The following PCNT variants were observed in gnomAD, a reference collection of about 807,000 sequenced individuals.
PCNT encodes kendrin.
In PCNT, 319 loss-of-function variants were observed where a neutral mutation model predicts 380.4. The ratio of observed to expected loss-of-function variants is 0.84; its 90% CI spans 0.77 to 0.92. The LOEUF (loss-of-function observed/expected upper bound fraction) is 0.92, where lower values mean the gene tolerates loss of function less well. Among genes scored for constraint, PCNT ranks in the 40% least tolerant of loss-of-function variants. The pLI, the probability that PCNT is intolerant of heterozygous loss-of-function variation, is 0.00. For missense variants in PCNT, 4,400 were observed against 4,255.3 expected, an observed-to-expected ratio of 1.03 and a Z score of -0.95; for synonymous variants, 1,845 against 1,735.2, an observed-to-expected ratio of 1.06 and a Z score of -1.57.
At chr21:46,324,814 G>C (rs188004524) in intron 1 of PCNT, 22,742 of 913,002 alleles carry the variant, frequency 0.025, 367 homozygotes, top group Non-Finnish European at 0.028. Context: ...CGTGGCGCGG[G>C]TGGCCTGCAG....
In PCNT at chr21:46,443,855, C is replaced by G. The variant is rs764310423; in HGVS notation, c.9746C>G (p.Ser3249Cys). 2.5e-6 allele frequency: 4 copies of G among 1,611,658 alleles called. No homozygotes were observed. The highest frequency in any genetic ancestry group is 2.2e-5 in the South Asian group (2 of 90,904). The change falls in exon 45 of 47, where the codon TCC (serine) becomes TGC (cysteine). Residue 3249 changes from serine (S) to cysteine (C), a missense_variant. Ser to Cys is a moderately radical substitution (Grantham distance 112). Coordinates refer to ENST00000359568, the MANE Select transcript of PCNT (RefSeq NM_006031.6). ...CAGTCTCCACCCAGAACCAGAGAGT[C>G]CCCCCCAACCCGGGATGTACCCTCT... is the stretch of plus-strand genomic sequence containing the variant. ...QPQSPPRTRE[S>C]PPTRDVPSGH...
chr21:46,388,634 G>A lies in PCNT; in HGVS notation c.3465-108G>A. On this transcript the variant is annotated intron_variant, in intron 17 of 46. Coordinates refer to ENST00000359568, the MANE Select transcript of PCNT (RefSeq NM_006031.6). This position sits in a 1 kb window ranked among gnomAD's most constrained non-coding sequence, Gnocchi z 4.2. ...TCTTCCGGCCCCGTGGGGACAGGCA[G>A]CCGTGGGCCGAGGTGTGCAAACTGG... 1 of 1,394,542 alleles carries A rather than the reference G, an allele frequency of 7.2e-7. No homozygotes were observed. The highest frequency in any genetic ancestry group is 1.0e-6 in the Non-Finnish European group (1 of 994,176). The allele number at this position is 1,394,542 out of a possible 1,614,324, so 86.4% of individuals were successfully genotyped here.
Position 46,430,496 on chromosome 21 carries a change from T to C in PCNT, c.7914-11T>C. Reference sequence around the variant, plus strand: ...CACGTGGTCAGATTGTTCTGCGATGTCTCCACGCAGATCCATGCTGAGCAG... The same window carrying C: ...CACGTGGTCAGATTGTTCTGCGATGCCTCCACGCAGATCCATGCTGAGCAG... On this transcript the variant is annotated splice_polypyrimidine_tract_variant and intron_variant, in intron 36 of 46. Coordinates refer to ENST00000359568, the MANE Select transcript of PCNT (RefSeq NM_006031.6). 6.5e-7 allele frequency: 1 copy of C among 1,550,184 alleles called. No individual in the cohort carries two copies. Among genetic ancestry groups the C allele is most frequent in the East Asian group, 2.4e-5 (1 of 40,942 alleles).
intron 3 of PCNT, 90 bp downstream of exon 3, chr21:46,334,858 C>T: frequency 6.3e-7 from 1 of 1,580,656 alleles, no homozygotes; most frequent in Non-Finnish European, 8.7e-7. Context: ...GACCTTCCAT[C>T]TCTGCAGGGC....
intron 13 of PCNT, among the ~76,000 whole-genome samples, chr21:46,359,347 C>G (rs560993439): frequency 6.9e-6 from 1 of 145,800 alleles, no homozygotes; most frequent in South Asian, 2.2e-4. Context: ...GTGGATTTCT[C>G]TCTTGTTAAT....
At chr21:46,397,883 AG>A (rs2086259618) in intron 22 of PCNT, 130 bp from the exon 23 acceptor site, 4 of 702,024 alleles carry the variant, frequency 5.7e-6, no homozygotes, top group South Asian at 1.5e-5. Context: ...GACTGTGATG[AG>A]GGGGGTATTT....
In PCNT at chr21:46,397,504, C is replaced by T. The variant is rs760052446; in HGVS notation, c.4446+10C>T. The T allele has an allele frequency of 1.2e-6, 2 of 1,602,744 alleles. No individual in the cohort carries two copies. Among genetic ancestry groups the T allele is most frequent in the Non-Finnish European group, 8.5e-7 (1 of 1,170,092 alleles). On this transcript the variant is annotated intron_variant, in intron 22 of 46. Coordinates refer to ENST00000359568, the MANE Select transcript of PCNT (RefSeq NM_006031.6). ...GCGGCAATTCATGGATGTAAGAATTCTGAATAATACATTTTTTTGCATCAC... is the reference window on the plus strand; with the variant it reads ...GCGGCAATTCATGGATGTAAGAATTTTGAATAATACATTTTTTTGCATCAC...
At position 46,411,616 on chromosome 21, in the gene PCNT, A is replaced by G. The variant is rs201943167; in HGVS notation, c.5543A>G (p.Glu1848Gly). The G allele has an allele frequency of 1.5e-5, 24 of 1,612,952 alleles. No individual in the cohort carries two copies. In the East Asian group the frequency reaches 4.7e-4, roughly 31 times the overall value. Residue 1848 changes from glutamate to glycine, a missense_variant, in exon 28 of 47, where the codon GAG becomes GGG. Coordinates refer to ENST00000359568, the MANE Select transcript of PCNT (RefSeq NM_006031.6). ...LERNVALREA[E>G]VEDMASRIQE... ...CGCAATGTAGCCCTCAGGGAGGCTG[A>G]GGTCGAAGACATGGCCTCCCGGATC...
At chr21:46,383,930 T>C in intron 16 of PCNT, among the ~76,000 whole-genome samples, 1 of 146,008 alleles carries the variant, frequency 6.8e-6, no homozygotes, top group Non-Finnish European at 1.5e-5. Context: ...GTGCGTTCAG[T>C]GGCAGAAGCG....
chr21:46,437,930 A>G (rs1459140068), intron 40 of PCNT, among the ~76,000 whole-genome samples: 1 of 152,370 alleles, frequency 6.6e-6, no homozygotes, highest in Admixed American at 6.5e-5. Context: ...CAGTGCTGTT[A>G]GAACAACCAA....
chr21:46,368,311 G>A (rs993248579), intron 15 of PCNT, among the ~76,000 whole-genome samples: 1 of 152,166 alleles, frequency 6.6e-6, no homozygotes, highest in Non-Finnish European at 1.5e-5. Context: ...AGCTGGGGGT[G>A]GTGGCGGACG....
chr21:46,383,806 A>G (rs2085698216), intron 16 of PCNT, among the ~76,000 whole-genome samples: 1 of 144,506 alleles, frequency 6.9e-6, no homozygotes, highest in African/African-American at 2.6e-5. Context: ...GCAGAAGCGC[A>G]TTCACGGTGT....
At position 46,426,084 on chromosome 21, in the gene PCNT, T is replaced by TC. The variant is rs1187692987; in HGVS notation, c.7320+113_7320+114insC. 7.4e-6 allele frequency: 8 copies of TC among 1,080,358 alleles called. No homozygotes were observed. The Admixed American group carries it at 2.1e-4, about 29-fold the overall frequency. 66.9% of individuals were successfully genotyped at this position (1,080,358 alleles called of 1,614,324 possible). On this transcript the variant is annotated intron_variant, in intron 33 of 46. Transcript: ENST00000359568. Reference sequence around the variant, plus strand: ...GGATTTCTTTCTTTTTTTTTTTTTTTTTTTTTTTTTTTGAGACTCGGCTCA... The same window carrying TC: ...GGATTTCTTTCTTTTTTTTTTTTTTTCTTTTTTTTTTTTGAGACTCGGCTCA...
At chr21:46,405,702 A>G (rs2086601878) in intron 27 of PCNT, among the ~76,000 whole-genome samples, 1 of 152,258 alleles carries the variant, frequency 6.6e-6, no homozygotes, top group Non-Finnish European at 1.5e-5. Flanking sequence ...CTCAAAAAAA[A>G]AAGAATGCCT....
intron 13 of PCNT, among the ~76,000 whole-genome samples, chr21:46,361,499 C>T (rs2084715417): frequency 1.3e-5 from 2 of 152,256 alleles, no homozygotes; most frequent in South Asian, 4.1e-4. Flanking sequence ...CCTCTAACTG[C>T]ACAGGTGCTT....
At chr21:46,404,518 T>C (rs1211930896) in intron 27 of PCNT, among the ~76,000 whole-genome samples, 4 of 152,228 alleles carry the variant, frequency 2.6e-5, no homozygotes, top group African/African-American at 7.2e-5. Context: ...GAGAAGGGGC[T>C]CTTCTCACGC....
chr21:46,414,892 C>T (rs1174025361), intron 29 of PCNT, among the ~76,000 whole-genome samples: 1 of 152,048 alleles, frequency 6.6e-6, no homozygotes, highest in Non-Finnish European at 1.5e-5. Context: ...ACCCACCCTG[C>T]TCTTCCTCCT....
intron 16 of PCNT, among the ~76,000 whole-genome samples, chr21:46,383,371 A>T (rs1367875462): frequency 7.0e-6 from 1 of 143,726 alleles, no homozygotes; most frequent in Admixed American, 7.1e-5. Flanking sequence ...AAGCGCATTC[A>T]CCATGTTGTA....
chr21:46,328,011 G>A (rs1359745936), intron 2 of PCNT, among the ~76,000 whole-genome samples: 1 of 152,158 alleles, frequency 6.6e-6, no homozygotes, highest in Non-Finnish European at 1.5e-5. Flanking sequence ...AATTATGAAC[G>A]AGGGCCTTAG....
Sources: allele counts gnomAD v4.1 joint callset (sites outside exome capture counted in the v4.1 genomes callset), GRCh38; gene constraint gnomAD v4.1.1; non-coding constraint Gnocchi (gnomAD v3.1); transcripts MANE v1.5; gene names NCBI Gene and HGNC (gene_info 2026-07-23, HGNC 2026-07-21).